SNX29: variants seen among roughly 807,000 people sequenced by gnomAD.
SNX29 encodes sorting nexin 29, also known as sorting nexin-29.
In SNX29, 78 loss-of-function variants were observed where a neutral mutation model predicts 102.1. The observed-to-expected ratio is 0.76, with a 90% confidence interval of 0.64 to 0.92. The LOEUF (loss-of-function observed/expected upper bound fraction) is 0.92, where lower values mean the gene tolerates loss of function less well. SNX29 is among the 40% of genes least tolerant of loss of function. The probability of loss-of-function intolerance (pLI) is 0.00; values close to 1 mark genes in which losing one functional copy is unlikely to be tolerated. For synonymous variants in SNX29, 580 were observed against 414.5 expected, an observed-to-expected ratio of 1.40 and a Z score of -4.85; for missense variants, 1,280 against 1,061.7, an observed-to-expected ratio of 1.21 and a Z score of -2.86.
chr16:12,060,094 C>T (rs372316875), intron 8 of SNX29, among the ~76,000 whole-genome samples: 14 of 151,954 alleles, frequency 9.2e-5, no homozygotes, highest in African/African-American at 2.4e-4. Flanking sequence ...ACTCTGCATC[C>T]GTGAGTTCCG....
At chr16:12,473,888 A>G (rs931982533) in intron 18 of SNX29, among the ~76,000 whole-genome samples, 1 of 152,196 alleles carries the variant, frequency 6.6e-6, no homozygotes, top group African/African-American at 2.4e-5. Flanking sequence ...TGTTTAGCAT[A>G]TAGTCAGGAA....
chr16:12,256,793 A>C (rs555651436), intron 14 of SNX29, among the ~76,000 whole-genome samples: 34 of 152,218 alleles, frequency 2.2e-4, no homozygotes, highest in Non-Finnish European at 3.8e-4. Context: ...TGAAAGAGGC[A>C]GGAATGGCCA....
chr16:12,126,710 C>T lies in SNX29; in HGVS notation c.1466+14C>T, dbSNP rs2054227985. ...GGAGGAGAACAGGTACCGTGATTTT[C>T]AGGCTTGAGGAATAGCCTCTTTCTT... On this transcript the variant is annotated intron_variant, in intron 12 of 20. Transcript: ENST00000566228. The T allele has an allele frequency of 2.5e-6, 4 of 1,613,706 alleles. No homozygotes were observed. Among genetic ancestry groups the T allele is most frequent in the Middle Eastern group, 3.3e-4 (2 of 6,058 alleles).
At chr16:12,058,117 G>A (rs1350398136) in intron 8 of SNX29, among the ~76,000 whole-genome samples, 1 of 152,078 alleles carries the variant, frequency 6.6e-6, no homozygotes, top group African/African-American at 2.4e-5. Flanking sequence ...ATCATGCCTG[G>A]CCTAATGAGT....
intron 13 of SNX29, among the ~76,000 whole-genome samples, chr16:12,195,031 G>C (rs188650301): frequency 3.2e-4 from 48 of 152,272 alleles, no homozygotes; most frequent in African/African-American, 9.9e-4. Flanking sequence ...ATATAGAAAT[G>C]AGCACTGTTA....
chr16:12,464,246 A>G (rs905183615), intron 18 of SNX29, among the ~76,000 whole-genome samples: 3 of 113,684 alleles, frequency 2.6e-5, no homozygotes, highest in African/African-American at 8.8e-5. Context: ...GTGTGTGTGT[A>G]CCACATATAT....
chr16:12,455,033 C>A (rs1399527257), intron 18 of SNX29, among the ~76,000 whole-genome samples: 1 of 152,212 alleles, frequency 6.6e-6, no homozygotes, highest in African/African-American at 2.4e-5. Context: ...CAGGCATGAG[C>A]CATCACGCCT....
chr16:12,065,167 T>C (rs1049254127), intron 9 of SNX29, among the ~76,000 whole-genome samples: 2 of 152,110 alleles, frequency 1.3e-5, no homozygotes, highest in East Asian at 1.9e-4. Context: ...TTTTCTTGGG[T>C]GACAGAGCCA....
intron 15 of SNX29, among the ~76,000 whole-genome samples, chr16:12,309,744 G>C (rs940402711): frequency 3.3e-5 from 5 of 152,166 alleles, no homozygotes; most frequent in African/African-American, 4.8e-5. Flanking sequence ...CCGCCAGTTA[G>C]TATCTGGCTG....
intron 16 of SNX29, among the ~76,000 whole-genome samples, chr16:12,379,889 G>C (rs1300415995): frequency 6.6e-6 from 1 of 152,140 alleles, no homozygotes; most frequent in Non-Finnish European, 1.5e-5. Flanking sequence ...GCACTGGTGT[G>C]TGTGTTTGGG....
rs1306604556 is a variant in SNX29, at chr16:12,517,071, G to T, written c.2179-7631G>T. ...AAAGCGAGGCCCAACTCCCAGTGCC[G>T]TCTATGAATAGCTCTCAGGCATCAT... On this transcript the variant is annotated intron_variant, in intron 19 of 20. Transcript: ENST00000566228. Among the ~76,000 whole-genome samples the T allele has an allele frequency of 4.6e-5, 7 of 152,188 alleles. No individual in the cohort carries two copies. The South Asian group carries it at 1.4e-3, about 31-fold the overall frequency.
chr16:12,293,714 T>C (rs979757992), intron 15 of SNX29, among the ~76,000 whole-genome samples: 2 of 152,198 alleles, frequency 1.3e-5, no homozygotes. Flanking sequence ...TTTGGGGGAA[T>C]ATTTGAACAG....
rs576215256 is a variant in SNX29, at chr16:12,547,030, G to C, written c.2319-21476G>C. Among the ~76,000 whole-genome samples, 12 of 150,952 alleles carry C rather than the reference G, an allele frequency of 7.9e-5. No homozygotes were observed. In the East Asian group the frequency reaches 8.0e-4, roughly 10 times the overall value. On this transcript the variant is annotated intron_variant, in intron 20 of 20. Coordinates refer to ENST00000566228, the MANE Select transcript of SNX29 (RefSeq NM_032167.5). The stretch of plus-strand genomic sequence containing the variant: ...TCCTGATAGTTCAACAGCAGATAAA[G>C]CATCTGTTTTCATGGGGGACACAGA...
chr16:12,565,424 C>T (rs1023416223), intron 20 of SNX29, among the ~76,000 whole-genome samples: 4 of 139,266 alleles, frequency 2.9e-5, no homozygotes, highest in African/African-American at 8.6e-5. Flanking sequence ...TGAAGCCCAT[C>T]CTCCCGTGGC....
rs76213134 is a variant in SNX29 at position 12,480,184 on chromosome 16, A to G, written c.2178+2325A>G. On this transcript the variant is annotated intron_variant, in intron 19 of 20. Transcript: ENST00000566228. Reference sequence around the variant, plus strand: ...ACAAATCCCCACAAATGCAGGGACTAAAACAAATTCATTATCTTACAATTC... The same window carrying G: ...ACAAATCCCCACAAATGCAGGGACTGAAACAAATTCATTATCTTACAATTC... Among the ~76,000 whole-genome samples the G allele has an allele frequency of 7.9e-3, 1,205 of 152,326 alleles. 43 individuals are homozygous for G. The East Asian group carries it at 0.089, about 11-fold the overall frequency.
At chr16:12,348,909 G>T (rs927952936) in intron 15 of SNX29, among the ~76,000 whole-genome samples, 2 of 149,588 alleles carry the variant, frequency 1.3e-5, no homozygotes, top group African/African-American at 2.6e-5. Context: ...TTCCTCGTGC[G>T]CAGGGAGTGC....
rs771908323 is a variant in SNX29 at position 12,571,511 on chromosome 16, G to T, written c.*2882G>T. 8.3e-6 allele frequency: 5 copies of T among 600,754 alleles called. No individual in the cohort carries two copies. The highest frequency in any genetic ancestry group is 1.1e-5 in the Non-Finnish European group (5 of 455,148). The allele number at this position is 600,754 out of a possible 1,614,324, so 37.2% of individuals were successfully genotyped here. ...GAACGAGGGTGGCCCACCTCTCAAGGGCCTTGGATTCCTGGGACCACCCTT... is the reference window on the plus strand; with the variant it reads ...GAACGAGGGTGGCCCACCTCTCAAGTGCCTTGGATTCCTGGGACCACCCTT... On this transcript the variant is annotated 3_prime_UTR_variant, in exon 21 of 21. Coordinates refer to ENST00000566228, the MANE Select transcript of SNX29 (RefSeq NM_032167.5).
intron 15 of SNX29, 61 bp downstream of exon 15, chr16:12,278,097 A>C (rs2079313217): frequency 1.4e-6 from 2 of 1,447,812 alleles, no homozygotes; most frequent in Non-Finnish European, 1.9e-6. Context: ...GAGACTTTCC[A>C]GGGTAGGTCC....
At chr16:12,547,080 CT>C (rs2077651963) in intron 20 of SNX29, among the ~76,000 whole-genome samples, 1 of 152,178 alleles carries the variant, frequency 6.6e-6, no homozygotes, top group African/African-American at 2.4e-5. Flanking sequence ...GCAGACATGC[CT>C]ATGTGAGGTG....
Sources: allele counts gnomAD v4.1 joint callset (sites outside exome capture counted in the v4.1 genomes callset), GRCh38; gene constraint gnomAD v4.1.1; transcripts MANE v1.5; gene names NCBI Gene and HGNC (gene_info 2026-07-23, HGNC 2026-07-21).